The following ARSG variants were observed in gnomAD, a reference collection of about 807,000 sequenced individuals.
ARSG encodes the protein ASG.
A neutral mutation model predicts 50.5 loss-of-function variants in ARSG; 37 were observed. That is an observed-to-expected ratio of 0.73 (90% confidence interval 0.56 to 0.96). The LOEUF (loss-of-function observed/expected upper bound fraction) is 0.96, where lower values mean the gene tolerates loss of function less well. Among genes scored for constraint, ARSG ranks in the 50% least tolerant of loss-of-function variants. The pLI is 0.00. For missense variants in ARSG, 629 were observed against 675.3 expected, an observed-to-expected ratio of 0.93 and a Z score of 0.76; for synonymous variants, 225 against 254.6, an observed-to-expected ratio of 0.88 and a Z score of 1.11.
At chr17:68,303,446 T>A (rs1167047023) in intron 1 of ARSG, among the ~76,000 whole-genome samples, 1 of 151,276 alleles carries the variant, frequency 6.6e-6, no homozygotes, top group Non-Finnish European at 1.5e-5. Flanking sequence ...TTCCTTATAT[T>A]TTTGTTTCGT....
At chr17:68,421,743 G>C (rs753471171), downstream of ARSG, 1 of 1,614,082 alleles carries the variant, frequency 6.2e-7, no homozygotes, top group Non-Finnish European at 8.5e-7. Context: ...TGATAGGGGG[G>C]ATGTCCTGAT....
At chr17:68,302,853 C>T (rs1053158091) in intron 1 of ARSG, among the ~76,000 whole-genome samples, 8 of 152,132 alleles carry the variant, frequency 5.3e-5, no homozygotes, top group African/African-American at 1.7e-4. Flanking sequence ...GATGGGCCTT[C>T]GTTGTGGGAT....
chr17:68,392,428 A>T (rs2147112734), intron 9 of ARSG, among the ~76,000 whole-genome samples: 4 of 152,304 alleles, frequency 2.6e-5, no homozygotes, highest in Middle Eastern at 6.8e-3. Flanking sequence ...TGATGGACTA[A>T]GTGTGTGTTG....
At chr17:68,407,526 G>T (rs1319440016) in intron 11 of ARSG, among the ~76,000 whole-genome samples, 1 of 151,676 alleles carries the variant, frequency 6.6e-6, no homozygotes, top group East Asian at 1.9e-4. Context: ...TGTCATCTAT[G>T]ATTTCTTTCA....
chr17:68,322,298 C>A (rs529462338), intron 2 of ARSG, among the ~76,000 whole-genome samples: 3 of 152,158 alleles, frequency 2.0e-5, no homozygotes, highest in African/African-American at 7.2e-5. Context: ...AACCTACACC[C>A]GGCAAAGGAA....
chr17:68,312,899 CTT>C (rs2076922028), intron 2 of ARSG, among the ~76,000 whole-genome samples: 1 of 152,106 alleles, frequency 6.6e-6, no homozygotes, highest in Non-Finnish European at 1.5e-5. Context: ...CTGTTGCCTC[CTT>C]TTTATTTGTG....
At chr17:68,392,361 TA>T (rs1329891531) in intron 9 of ARSG, among the ~76,000 whole-genome samples, 3 of 152,006 alleles carry the variant, frequency 2.0e-5, no homozygotes, top group Non-Finnish European at 2.9e-5. Context: ...CCATATGACT[TA>T]AAAAAAAGTC....
chr17:68,382,856 T>C (rs12945290), intron 8 of ARSG, among the ~76,000 whole-genome samples: 17,656 of 152,212 alleles, frequency 0.12, 1,160 homozygotes, highest in Admixed American at 0.18. Context: ...CATATATAAT[T>C]GTGTCTTCCT....
chr17:68,422,766 G>C (rs1159346925), downstream of ARSG: 1 of 146,900 alleles, frequency 6.8e-6, no homozygotes, highest in African/African-American at 2.5e-5. Context: ...GGGAAGGTCA[G>C]TTTATACCCT....
At chr17:68,450,506 A>G in the ARSG span, among the ~76,000 whole-genome samples, 1 of 152,192 alleles carries the variant, frequency 6.6e-6, no homozygotes, top group Non-Finnish European at 1.5e-5. Context: ...TCAGGGACCA[A>G]CGTTCTGGAA....
rs1289718788 is a variant in ARSG, at chr17:68,420,359, G to C, written c.1474G>C (p.Asp492His). The change falls in exon 12 of 12, where the codon GAC (aspartate) becomes CAC (histidine). Residue 492 changes from aspartate to histidine, a missense_variant. By Grantham distance (81) the Asp-to-His change is moderately conservative. Transcript: ENST00000621439. ...VRKVLADVLQDIANDNISSAD... is the reference protein window; with the variant it reads ...VRKVLADVLQHIANDNISSAD... The stretch of plus-strand genomic sequence containing the variant: ...AAAGGTTCTTGCAGACGTCCTCCAA[G>C]ACATTGCCAACGACAACATCTCCAG... 3 of 1,614,142 alleles carry C rather than the reference G, an allele frequency of 1.9e-6. No homozygotes were observed. Among genetic ancestry groups the C allele is most frequent in the Admixed American group, 1.7e-5 (1 of 60,012 alleles).
intron 9 of ARSG, among the ~76,000 whole-genome samples, chr17:68,385,388 G>T (rs182323400): frequency 2.6e-5 from 4 of 151,802 alleles, no homozygotes; most frequent in Non-Finnish European, 5.9e-5. Context: ...GTGGGGCCAC[G>T]TGTGGAGGCT....
rs2082060690 is a variant in ARSG at position 68,412,424 on chromosome 17, T to C, written c.1304-7765T>C. Reference sequence around the variant, plus strand: ...TGAAATTCTGGGTTGAAAATTCTTTTCTTTGAGAATGTTGAATATTGGCCC... The same window carrying C: ...TGAAATTCTGGGTTGAAAATTCTTTCCTTTGAGAATGTTGAATATTGGCCC... On this transcript the variant is annotated intron_variant, in intron 11 of 11. Coordinates refer to ENST00000621439, the MANE Select transcript of ARSG (RefSeq NM_001267727.2). 2.0e-5 allele frequency among the ~76,000 whole-genome samples: 3 copies of C among 152,196 alleles called. No homozygotes were observed. The South Asian group carries it at 6.2e-4, about 32-fold the overall frequency.
intron 11 of ARSG, among the ~76,000 whole-genome samples, chr17:68,402,205 A>G (rs2081500558): frequency 6.6e-6 from 1 of 151,824 alleles, no homozygotes; most frequent in African/African-American, 2.4e-5. Flanking sequence ...TACACGTCTT[A>G]TTTCCTGTAC....
chr17:68,379,927 G>A, intron 8 of ARSG: 1 of 928,380 alleles, frequency 1.1e-6, no homozygotes, highest in Non-Finnish European at 1.3e-6. Flanking sequence ...TTATATAACT[G>A]TTCCCACAGC....
chr17:68,347,776 C>A (rs376314850), intron 4 of ARSG, among the ~76,000 whole-genome samples: 2 of 152,166 alleles, frequency 1.3e-5, no homozygotes, highest in Non-Finnish European at 2.9e-5. Flanking sequence ...TATAGGAAGC[C>A]GTGGACTTTC....
intron 8 of ARSG, among the ~76,000 whole-genome samples, chr17:68,376,141 G>A (rs953253298): frequency 6.6e-6 from 1 of 151,902 alleles, no homozygotes; most frequent in African/African-American, 2.4e-5. Context: ...ATACAGTCTT[G>A]CTCTGTCCCC....
chr17:68,294,565 G>C (rs1555757474), intron 1 of ARSG, among the ~76,000 whole-genome samples: 1 of 152,116 alleles, frequency 6.6e-6, no homozygotes, highest in Non-Finnish European at 1.5e-5. Flanking sequence ...ATCAAAGGGG[G>C]AGAATATGTG....
At chr17:68,361,110 C>T (rs1210234725) in intron 6 of ARSG, among the ~76,000 whole-genome samples, 2 of 152,172 alleles carry the variant, frequency 1.3e-5, no homozygotes, top group Non-Finnish European at 2.9e-5. Flanking sequence ...CGGGTGTGAG[C>T]TACCGTGCCC....
Sources: gnomAD v4.1 joint callset for allele counts (sites outside exome capture counted in the v4.1 genomes callset) on GRCh38, gnomAD v4.1.1 for gene constraint, MANE v1.5 for transcripts, NCBI Gene and HGNC (gene_info 2026-07-23, HGNC 2026-07-21) for gene names.